ZCCHC4: variants seen among roughly 807,000 people sequenced by gnomAD.
The protein encoded by ZCCHC4 is rRNA N(6)-adenosine-methyltransferase ZCCHC4.
A neutral mutation model predicts 67.7 loss-of-function variants in ZCCHC4; 54 were observed. The observed-to-expected ratio is 0.80, with a 90% CI of 0.64 to 1.00. The LOEUF is 1.00. Ranked by LOEUF, ZCCHC4 falls within the 50% of genes least tolerant of loss-of-function variation. ZCCHC4 has a pLI of 0.00. For missense variants in ZCCHC4, 609 were observed against 617.0 expected (o/e 0.99, Z 0.14); for synonymous variants, 198 against 213.5 (o/e 0.93, Z 0.63).
chr4:25,314,043 TAGGACCCAC>T lies in ZCCHC4; in HGVS notation c.128-2_134del. 7.4e-7 allele frequency: 1 copy of T among 1,342,754 alleles called. No individual in the cohort carries two copies. The highest frequency in any genetic ancestry group is 1.0e-6 in the Non-Finnish European group (1 of 955,800). The allele number at this position is 1,342,754 out of a possible 1,614,324, so 83.2% of individuals were successfully genotyped here. On this transcript the variant is annotated splice_acceptor_variant and coding_sequence_variant, in exon 2 of 13. Coordinates refer to ENST00000302874, the MANE Select transcript of ZCCHC4 (RefSeq NM_024936.3). LOFTEE classifies it high-confidence loss of function. ...TTTTTTTTTTTTTCTATTCTGGAACTAGGACCCACTCTTCTGTTTGTAAAGGTGACCCAA... is the reference window on the plus strand; with the variant it reads ...TTTTTTTTTTTTTCTATTCTGGAACTTCTTCTGTTTGTAAAGGTGACCCAA...
chr4:25,337,422 T>G (rs1193638754), intron 5 of ZCCHC4, among the ~76,000 whole-genome samples: 2 of 152,170 alleles, frequency 1.3e-5, no homozygotes, highest in African/African-American at 2.4e-5. Context: ...CAGCTTTAAG[T>G]TTATCTAGTT....
At chr4:25,318,349 C>CTTTTTTTTTTTTTTTT (rs528144406) in intron 3 of ZCCHC4, among the ~76,000 whole-genome samples, 3 of 45,508 alleles carry the variant, frequency 6.6e-5, no homozygotes, top group Non-Finnish European at 1.1e-4. Context: ...CACTCTCTCT[C>CTTTTTTTTTTTTTTTT]TTTTTTTTTT....
intron 3 of ZCCHC4, among the ~76,000 whole-genome samples, chr4:25,330,919 G>A (rs1434068153): frequency 6.6e-6 from 1 of 152,150 alleles, no homozygotes; most frequent in African/African-American, 2.4e-5. Flanking sequence ...GAAGACTCGA[G>A]GGGAATTGTC....
chr4:25,349,927 A>G (rs550536795), intron 7 of ZCCHC4, among the ~76,000 whole-genome samples: 27 of 152,298 alleles, frequency 1.8e-4, no homozygotes, highest in African/African-American at 6.3e-4. Context: ...CATTCTATTC[A>G]GTAAATATTT....
intron 3 of ZCCHC4, among the ~76,000 whole-genome samples, chr4:25,324,014 G>GGTTTTTTTTTTTT (rs777768505): frequency 0.029 from 2,393 of 82,240 alleles, 94 homozygotes; most frequent in South Asian, 0.055. Flanking sequence ...TGTTTTTTGT[G>GGTTTTTTTTTTTT]TTTTTTTTTT....
At chr4:25,340,110 C>T (rs943497175) in intron 5 of ZCCHC4, among the ~76,000 whole-genome samples, 10 of 152,092 alleles carry the variant, frequency 6.6e-5, no homozygotes, top group African/African-American at 2.4e-4. Context: ...CCTCGTGATC[C>T]ACCCGCCTCG....
chr4:25,358,064 G>C (rs192715115), intron 8 of ZCCHC4, among the ~76,000 whole-genome samples: 38 of 152,338 alleles, frequency 2.5e-4, no homozygotes, highest in African/African-American at 7.5e-4. Context: ...GTGGATAATA[G>C]GTTGGAGGAG....
intron 3 of ZCCHC4, among the ~76,000 whole-genome samples, chr4:25,328,262 C>T (rs200277163): frequency 4.6e-5 from 7 of 151,760 alleles, no homozygotes; most frequent in East Asian, 1.9e-4. Context: ...TTTTCCAAGA[C>T]GGAGTCTCAC....
chr4:25,314,445 C>T (rs1718138733), intron 2 of ZCCHC4, among the ~76,000 whole-genome samples: 1 of 152,160 alleles, frequency 6.6e-6, no homozygotes. Flanking sequence ...GCTTCTGTAA[C>T]AGAAGTACCA....
At position 25,333,516 on chromosome 4, in the gene ZCCHC4, G is replaced by A. The variant is rs1342703439; in HGVS notation, c.605+58G>A. The A allele has an allele frequency of 1.1e-5, 17 of 1,566,884 alleles. No individual in the cohort carries two copies. The Admixed American group carries it at 2.4e-4, about 22-fold the overall frequency. On this transcript the variant is annotated intron_variant, in intron 4 of 12. Transcript: ENST00000302874. ...CTCACCACTATTGAAACTGTATGAAGATTTTATTAAGTAGTTACTTACTCT... is the reference window on the plus strand; with the variant it reads ...CTCACCACTATTGAAACTGTATGAAAATTTTATTAAGTAGTTACTTACTCT...
intron 3 of ZCCHC4, among the ~76,000 whole-genome samples, chr4:25,324,892 T>C (rs941625891): frequency 6.6e-6 from 1 of 152,236 alleles, no homozygotes; most frequent in African/African-American, 2.4e-5. Flanking sequence ...ATTGTCTTTT[T>C]ATTGTTGAGT....
chr4:25,315,426 T>C (rs1361955840), intron 3 of ZCCHC4, 26 bp downstream of exon 3: 1 of 1,556,590 alleles, frequency 6.4e-7, no homozygotes, highest in South Asian at 1.3e-5. Context: ...CATTTTTCTT[T>C]ATTAGTTTAG....
chr4:25,355,964 T>C (rs1482324022), intron 8 of ZCCHC4, among the ~76,000 whole-genome samples: 3 of 152,212 alleles, frequency 2.0e-5, no homozygotes, highest in Non-Finnish European at 2.9e-5. Flanking sequence ...GAAATGCAAG[T>C]ACTCTGTCTT....
intron 3 of ZCCHC4, among the ~76,000 whole-genome samples, chr4:25,320,014 T>C (rs1013960712): frequency 2.0e-5 from 3 of 152,202 alleles, no homozygotes; most frequent in African/African-American, 7.2e-5. Flanking sequence ...GCTAGCAAGA[T>C]AAATTGACCT....
chr4:25,326,113 A>C (rs146526246), intron 3 of ZCCHC4, among the ~76,000 whole-genome samples: 2 of 152,338 alleles, frequency 1.3e-5, no homozygotes, highest in East Asian at 3.9e-4. Flanking sequence ...AAGCAGGTTA[A>C]AGTTAAGCTG....
intron 5 of ZCCHC4, among the ~76,000 whole-genome samples, chr4:25,340,090 G>C (rs113443885): frequency 3.9e-5 from 6 of 152,100 alleles, no homozygotes; most frequent in African/African-American, 1.2e-4. Flanking sequence ...GGATGGTCTC[G>C]ATCTCCTGAC....
In ZCCHC4 at chr4:25,359,628, C is replaced by T. The variant is rs753392439; in HGVS notation, c.1012-2231C>T. ...GGGGTCCCAATGAGTGACATGCTCA[C>T]AGATGTGGATAGATTTGATTTTGGC... On this transcript the variant is annotated intron_variant, in intron 8 of 12. Coordinates refer to ENST00000302874, the MANE Select transcript of ZCCHC4 (RefSeq NM_024936.3). The surrounding 1 kb of genome is among the most constrained non-coding windows in gnomAD (Gnocchi z 4.9). 6.6e-6 allele frequency among the ~76,000 whole-genome samples: 1 copy of T among 152,184 alleles called. No individual in the cohort carries two copies. Among genetic ancestry groups the T allele is most frequent in the Non-Finnish European group, 1.5e-5 (1 of 68,034 alleles).
At chr4:25,344,624 AAAAT>A (rs1365627344) in intron 5 of ZCCHC4, among the ~76,000 whole-genome samples, 1 of 151,630 alleles carries the variant, frequency 6.6e-6, no homozygotes, top group African/African-American at 2.4e-5. Flanking sequence ...ATAATAAAAT[AAAAT>A]AAATAAAATA....
intron 5 of ZCCHC4, among the ~76,000 whole-genome samples, chr4:25,335,290 T>TA (rs1329007499): frequency 4.0e-5 from 6 of 151,694 alleles, no homozygotes; most frequent in Non-Finnish European, 7.4e-5. Flanking sequence ...CTACTAAAAA[T>TA]AAAAAAAATT....
Sources: gnomAD v4.1 joint callset for allele counts (sites outside exome capture counted in the v4.1 genomes callset) on GRCh38, gnomAD v4.1.1 for gene constraint, Gnocchi (gnomAD v3.1) non-coding constraint, MANE v1.5 for transcripts, NCBI Gene and HGNC (gene_info 2026-07-23, HGNC 2026-07-21) for gene names.